The following RNF182 variants were observed in gnomAD, a reference collection of about 807,000 sequenced individuals.
RNF182 encodes E3 ubiquitin-protein ligase RNF182.
Under a neutral mutation model 14.4 loss-of-function variants are expected in RNF182, and 15 were observed. The observed-to-expected ratio is 1.04, with a 90% CI of 0.70 to 1.60. The LOEUF (loss-of-function observed/expected upper bound fraction) is 1.60, where lower values mean the gene tolerates loss of function less well. RNF182 is among the 40% of genes most tolerant of loss of function. The pLI, the probability that RNF182 is intolerant of heterozygous loss-of-function variation, is 0.00. For synonymous variants in RNF182, 128 were observed against 122.9 expected (o/e 1.04, Z -0.27); for missense variants, 268 against 294.8 (o/e 0.91, Z 0.67).
At chr6:13,949,977 A>G (rs1166579643) in intron 1 of RNF182, among the ~76,000 whole-genome samples, 1 of 152,186 alleles carries the variant, frequency 6.6e-6, no homozygotes. Context: ...TTTTTCACAA[A>G]CTTTCCACCA....
chr6:13,946,751 C>T (rs377541446), intron 1 of RNF182, among the ~76,000 whole-genome samples: 2 of 152,244 alleles, frequency 1.3e-5, no homozygotes, highest in East Asian at 3.9e-4. Context: ...ATAAGGGGAC[C>T]CTTAATCCTG....
rs557948047 is a variant in RNF182 at position 13,928,738 on chromosome 6, T to C, written c.-367+3715T>C. On this transcript the variant is annotated intron_variant, in intron 1 of 2. Coordinates refer to ENST00000488300, the MANE Select transcript of RNF182 (RefSeq NM_152737.4). ...ACTTGATCCTTGCTTCTGTATCTTA[T>C]AATCGGTTGAAGTGAAAACCAAAGA... Among the ~76,000 whole-genome samples, 19 of 152,294 alleles carry C rather than the reference T, an allele frequency of 1.2e-4. No homozygotes were observed. The South Asian group carries it at 3.3e-3, about 27-fold the overall frequency.
chr6:13,925,952 A>G (rs1455164802), intron 1 of RNF182, among the ~76,000 whole-genome samples: 2 of 152,156 alleles, frequency 1.3e-5, no homozygotes, highest in Non-Finnish European at 2.9e-5. Flanking sequence ...ACAGATTTAA[A>G]TTGTGACTGT....
At chr6:13,962,399 A>G (rs957357198) in intron 1 of RNF182, among the ~76,000 whole-genome samples, 2 of 152,232 alleles carry the variant, frequency 1.3e-5, no homozygotes, top group African/African-American at 4.8e-5. Flanking sequence ...GATAGTCACA[A>G]AGAAAAATGA....
intron 1 of RNF182, 139 bp downstream of exon 1, chr6:13,925,162 G>T: frequency 7.8e-6 from 1 of 128,944 alleles, no homozygotes; most frequent in South Asian, 2.3e-4. Context: ...GGCAAACTTC[G>T]GGCCGAGCGG....
chr6:13,940,484 C>G (rs1402764135), intron 1 of RNF182, among the ~76,000 whole-genome samples: 1 of 152,078 alleles, frequency 6.6e-6, no homozygotes, highest in South Asian at 2.1e-4. Flanking sequence ...TTGATATTTA[C>G]AATCTGTGCC....
intron 1 of RNF182, among the ~76,000 whole-genome samples, chr6:13,953,596 G>C (rs574122805): frequency 4.6e-5 from 7 of 152,284 alleles, no homozygotes; most frequent in African/African-American, 1.7e-4. Context: ...ATAAAGTGGC[G>C]TAAGTCAGGG....
intron 1 of RNF182, among the ~76,000 whole-genome samples, chr6:13,927,947 G>A (rs975503179): frequency 6.6e-6 from 1 of 152,178 alleles, no homozygotes; most frequent in African/African-American, 2.4e-5. Flanking sequence ...TAAATATCAG[G>A]TATTGTTAAC....
Position 13,980,034 on chromosome 6 carries a change from G to T in RNF182, c.*2171G>T. The T allele has an allele frequency of 6.2e-6, 1 of 160,546 alleles. No homozygotes were observed. The allele number at this position is 160,546 out of a possible 1,614,324, so 9.9% of individuals were successfully genotyped here. A position where few individuals can be genotyped will look rare whatever the true frequency, so the allele number is the denominator to read the frequency against. ...AGAAGTTTGATTTCTCTGACTTATGGTTAAAATTCAGTTATGACTTTGCAC... is the reference window on the plus strand; with the variant it reads ...AGAAGTTTGATTTCTCTGACTTATGTTTAAAATTCAGTTATGACTTTGCAC... On this transcript the variant is annotated 3_prime_UTR_variant, in exon 3 of 3. Coordinates refer to ENST00000488300, the MANE Select transcript of RNF182 (RefSeq NM_152737.4).
intron 1 of RNF182, among the ~76,000 whole-genome samples, chr6:13,960,656 A>T (rs74699631): frequency 5.5e-4 from 73 of 133,214 alleles, no homozygotes; most frequent in African/African-American, 1.5e-3. Flanking sequence ...GGAGAGAGAG[A>T]GTGTGTGTGT....
intron 1 of RNF182, among the ~76,000 whole-genome samples, chr6:13,971,106 A>G (rs1014342117): frequency 6.6e-6 from 1 of 152,040 alleles, no homozygotes; most frequent in African/African-American, 2.4e-5. Context: ...CTTCCCTTCA[A>G]GGCGTCGGCT....
At chr6:13,938,004 G>GTTTTTTTT (rs70989897) in intron 1 of RNF182, among the ~76,000 whole-genome samples, 21 of 79,602 alleles carry the variant, frequency 2.6e-4, no homozygotes, top group East Asian at 4.1e-4. Flanking sequence ...TTTTCTTACT[G>GTTTTTTTT]TTTTTTTTTT....
chr6:13,975,591 AATTAAAAATT>A (rs1760302549), intron 2 of RNF182, among the ~76,000 whole-genome samples: 1 of 152,234 alleles, frequency 6.6e-6, no homozygotes, highest in Admixed American at 6.5e-5. Context: ...ATAGGAAGTC[AATTAAAAATT>A]AAAGTCTTAA....
At chr6:13,940,565 A>G (rs17769281) in intron 1 of RNF182, among the ~76,000 whole-genome samples, 2 of 151,050 alleles carry the variant, frequency 1.3e-5, no homozygotes, top group African/African-American at 4.9e-5. Context: ...ACTTATTTTG[A>G]CTTTTTTTTG....
chr6:13,942,289 A>G (rs949183483), intron 1 of RNF182, among the ~76,000 whole-genome samples: 4 of 152,098 alleles, frequency 2.6e-5, no homozygotes, highest in East Asian at 1.9e-4. Context: ...TTTACTGTCT[A>G]TCTTGCTTGG....
At chr6:13,968,140 A>G (rs1760082341) in intron 1 of RNF182, among the ~76,000 whole-genome samples, 1 of 152,220 alleles carries the variant, frequency 6.6e-6, no homozygotes, top group Non-Finnish European at 1.5e-5. Flanking sequence ...AGAAAGGATA[A>G]ATACATATAT....
chr6:13,976,706 A>C (rs80155151), intron 2 of RNF182, among the ~76,000 whole-genome samples: 1 of 152,190 alleles, frequency 6.6e-6, no homozygotes, highest in Non-Finnish European at 1.5e-5. Context: ...CTTCACTATC[A>C]TGCTTGTTGA....
At chr6:13,960,591 CAGTT>C (rs1160237883) in intron 1 of RNF182, among the ~76,000 whole-genome samples, 1 of 151,650 alleles carries the variant, frequency 6.6e-6, no homozygotes, top group Non-Finnish European at 1.5e-5. Context: ...TGATGAAGGA[CAGTT>C]GGTGATTTTC....
intron 1 of RNF182, among the ~76,000 whole-genome samples, chr6:13,927,439 C>T (rs150004695): frequency 1.3e-5 from 2 of 152,270 alleles, no homozygotes; most frequent in African/African-American, 4.8e-5. Flanking sequence ...TCTTTTCCTG[C>T]ATTTTAGCTT....
Sources: gnomAD v4.1 joint callset for allele counts (sites outside exome capture counted in the v4.1 genomes callset) on GRCh38, gnomAD v4.1.1 for gene constraint, MANE v1.5 for transcripts, NCBI Gene and HGNC (gene_info 2026-07-23, HGNC 2026-07-21) for gene names.